Variants in CLIC5 observed in about 807,000 individuals in gnomAD.
The protein encoded by CLIC5 is chloride intracellular channel protein 5.
CLIC5 carries 20 observed loss-of-function variants against 24.7 expected under a neutral mutation model. That is an observed-to-expected ratio of 0.81 (90% CI 0.57 to 1.18). CLIC5 has a LOEUF of 1.18. CLIC5 is among the 50% of genes most tolerant of loss of function. The pLI, the probability that CLIC5 is intolerant of heterozygous loss-of-function variation, is 0.00. For synonymous variants in CLIC5, 159 were observed against 135.6 expected (o/e 1.17, Z -1.20); for missense variants, 341 against 326.1 (o/e 1.05, Z -0.35).
the CLIC5 span, among the ~76,000 whole-genome samples, chr6:46,113,708 CT>C: frequency 6.6e-6 from 1 of 152,100 alleles, no homozygotes. Context: ...GTCCTCACCC[CT>C]AGTACCTCAG....
intron 1 of CLIC5, among the ~76,000 whole-genome samples, chr6:45,978,689 G>T (rs938176008): frequency 2.6e-5 from 4 of 152,208 alleles, no homozygotes; most frequent in Non-Finnish European, 4.4e-5. Flanking sequence ...GGGCGCAGTG[G>T]CTCATGCCTG....
intron 1 of CLIC5, among the ~76,000 whole-genome samples, chr6:45,992,513 T>C (rs1765978129): frequency 6.6e-6 from 1 of 152,180 alleles, no homozygotes; most frequent in African/African-American, 2.4e-5. Context: ...ACCACAGAAT[T>C]CAGTCCTGCC....
chr6:46,055,247 T>G lies in CLIC5; in HGVS notation c.540+24456A>C, dbSNP rs1011487526. 2.0e-5 allele frequency among the ~76,000 whole-genome samples: 3 copies of G among 152,200 alleles called. No homozygotes were observed. In the East Asian group the frequency reaches 5.8e-4, roughly 29 times the overall value. ...CCTCCTGAGTAGCTGGAATTACAGG[T>G]GCCCACCAACATGCCTGGCTAATTT... On this transcript the variant is annotated intron_variant, in intron 1 of 5. Coordinates refer to the CLIC5 transcript ENST00000185206.
At position 46,027,942 on chromosome 6, in the gene CLIC5, T is replaced by C. The variant is rs1402094512; in HGVS notation, c.540+51761A>G. Among the ~76,000 whole-genome samples, 10 of 152,352 alleles carry C rather than the reference T, an allele frequency of 6.6e-5. No homozygotes were observed. The East Asian group carries it at 1.7e-3, about 26-fold the overall frequency. ...ATTAATTCTTTTTTACCTTGCTCTT[T>C]TGTCACCTCGTAAATGGAATCATTG... On this transcript the variant is annotated intron_variant, in intron 1 of 5. Transcript: ENST00000185206.
chr6:45,987,672 T>C (rs972570828), intron 1 of CLIC5, among the ~76,000 whole-genome samples: 1 of 152,182 alleles, frequency 6.6e-6, no homozygotes, highest in Admixed American at 6.5e-5. Context: ...GGGGGCCTTC[T>C]TCCTGGTGTG....
chr6:45,984,739 A>G (rs1366164895), intron 1 of CLIC5, among the ~76,000 whole-genome samples: 1 of 152,214 alleles, frequency 6.6e-6, no homozygotes, highest in Non-Finnish European at 1.5e-5. Flanking sequence ...CCATTCAGCG[A>G]GCAGCTTTGT....
At chr6:46,069,488 A>G (rs1762530625) in intron 1 of CLIC5, among the ~76,000 whole-genome samples, 1 of 152,140 alleles carries the variant, frequency 6.6e-6, no homozygotes, top group South Asian at 2.1e-4. Flanking sequence ...CTGGACACAT[A>G]CACCCTCCCA....
chr6:46,058,765 A>G (rs1209841551), intron 1 of CLIC5, among the ~76,000 whole-genome samples: 1 of 152,208 alleles, frequency 6.6e-6, no homozygotes, highest in Non-Finnish European at 1.5e-5. Flanking sequence ...GGTGGAAGAA[A>G]AAAATCCCAG....
chr6:45,899,490 A>T lies in CLIC5; in HGVS notation c.*3598T>A, dbSNP rs1200296650. ...CTTCTAGTTTAATTTAATTTTAGAC[A>T]CACACTCTCACAGTGATGCTAAACT... On this transcript the variant is annotated 3_prime_UTR_variant, in exon 6 of 6. Transcript: ENST00000339561. 1 of 152,236 alleles carries T rather than the reference A, an allele frequency of 6.6e-6. No individual in the cohort carries two copies. Among genetic ancestry groups the T allele is most frequent in the African/African-American group, 2.4e-5 (1 of 41,456 alleles). 9.4% of individuals were successfully genotyped at this position (152,236 alleles called of 1,614,324 possible).
intron 6 of CLIC5, among the ~76,000 whole-genome samples, chr6:45,889,964 A>G (rs1762335813): frequency 6.6e-6 from 1 of 152,216 alleles, no homozygotes; most frequent in Admixed American, 6.5e-5. Flanking sequence ...TGTTACAAAG[A>G]ATGTGAAACA....
At chr6:45,965,338 C>T (rs555952721) in intron 1 of CLIC5, among the ~76,000 whole-genome samples, 2 of 152,260 alleles carry the variant, frequency 1.3e-5, no homozygotes, top group African/African-American at 4.8e-5. Flanking sequence ...AACCAAACAC[C>T]TTTTTCAAGT....
intron 6 of CLIC5, among the ~76,000 whole-genome samples, chr6:45,891,422 G>C (rs1275743566): frequency 6.6e-6 from 1 of 152,124 alleles, no homozygotes; most frequent in African/African-American, 2.4e-5. Flanking sequence ...TGGATCATGA[G>C]GTCAAGAGAT....
intron 3 of CLIC5, among the ~76,000 whole-genome samples, chr6:45,944,804 C>T (rs115946087): frequency 2.2e-4 from 34 of 152,254 alleles, no homozygotes; most frequent in African/African-American, 7.2e-4. Flanking sequence ...AAAAGAAAGA[C>T]GGTCCTGATG....
intron 1 of CLIC5, among the ~76,000 whole-genome samples, chr6:46,061,341 C>A (rs1052556682): frequency 1.3e-5 from 2 of 152,176 alleles, no homozygotes; most frequent in Non-Finnish European, 2.9e-5. Flanking sequence ...AGGCATGCAC[C>A]ACCATGCCTG....
intron 1 of CLIC5, among the ~76,000 whole-genome samples, chr6:46,010,845 T>C (rs1562002809): frequency 6.6e-6 from 1 of 152,136 alleles, no homozygotes; most frequent in Non-Finnish European, 1.5e-5. Flanking sequence ...AACCTGAAGA[T>C]AGTGGGAAAG....
intron 1 of CLIC5, among the ~76,000 whole-genome samples, chr6:45,974,963 T>C (rs1765337638): frequency 6.6e-6 from 1 of 152,176 alleles, no homozygotes; most frequent in South Asian, 2.1e-4. Context: ...ATGAAAGAAC[T>C]TACAGTTTTC....
At position 46,075,898 on chromosome 6, in the gene CLIC5, C is replaced by T. The variant is rs866889929; in HGVS notation, c.540+3805G>A. Reference sequence around the variant, plus strand: ...ATAATCTCTAGAGTCAACCATGGCTCTTTATTTTTCTTTTCACCCACATCA... The same window carrying T: ...ATAATCTCTAGAGTCAACCATGGCTTTTTATTTTTCTTTTCACCCACATCA... On this transcript the variant is annotated intron_variant, in intron 1 of 5. Transcript: ENST00000185206. Among the ~76,000 whole-genome samples, 46 of 152,242 alleles carry T rather than the reference C, an allele frequency of 3.0e-4. 1 individual carries two copies. The highest frequency in any genetic ancestry group is 1.5e-4 in the Non-Finnish European group (10 of 68,004).
intron 1 of CLIC5, among the ~76,000 whole-genome samples, chr6:46,006,866 G>A (rs190130890): frequency 2.0e-5 from 3 of 151,862 alleles, no homozygotes; most frequent in East Asian, 3.9e-4. Flanking sequence ...TGCTAGAGAC[G>A]GCGTTTCACC....
chr6:46,103,264 C>T, the CLIC5 span, among the ~76,000 whole-genome samples: 1 of 151,942 alleles, frequency 6.6e-6, no homozygotes, highest in African/African-American at 2.4e-5. Context: ...AGATAAATAG[C>T]GACTGAAGGA....
Sources: gnomAD v4.1 joint callset for allele counts (sites outside exome capture counted in the v4.1 genomes callset) on GRCh38, gnomAD v4.1.1 for gene constraint, MANE v1.5 for transcripts, NCBI Gene and HGNC (gene_info 2026-07-23, HGNC 2026-07-21) for gene names.